SOX6: variants seen among roughly 807,000 people sequenced by gnomAD.
SOX6 encodes SRY-box transcription factor 6, also known as transcription factor SOX-6.
Under a neutral mutation model 97.8 loss-of-function variants are expected in SOX6, and 11 were observed. The ratio of observed to expected loss-of-function variants is 0.11; its 90% CI spans 0.07 to 0.19. SOX6 has a LOEUF of 0.19. Ranked by LOEUF, SOX6 falls within the 10% of genes least tolerant of loss-of-function variation. The pLI is 1.00. For missense variants in SOX6, 810 were observed against 1,039.5 expected (o/e 0.78, Z 3.04); for synonymous variants, 360 against 371.4 (o/e 0.97, Z 0.35).
chr11:16,464,409 C>G (rs1859988739), intron 1 of SOX6, among the ~76,000 whole-genome samples: 1 of 150,696 alleles, frequency 6.6e-6, no homozygotes, highest in African/African-American at 2.4e-5. Context: ...TCACACAACT[C>G]AGCACATAGC....
intron 13 of SOX6, among the ~76,000 whole-genome samples, chr11:16,000,836 T>G (rs969102940): frequency 1.3e-5 from 2 of 151,980 alleles, no homozygotes; most frequent in African/African-American, 4.8e-5. Context: ...GGAAACAAAC[T>G]TTTTATTTTT....
chr11:16,234,455 C>G, intron 4 of SOX6, 127 bp downstream of exon 4: 1 of 587,040 alleles, frequency 1.7e-6, no homozygotes, highest in Non-Finnish European at 3.0e-6. Flanking sequence ...AATATTCACC[C>G]TCTCATGTAC....
chr11:16,728,512 C>T (rs1460895266), intron 2 of SOX6, among the ~76,000 whole-genome samples: 2 of 152,184 alleles, frequency 1.3e-5, no homozygotes, highest in African/African-American at 4.8e-5. Flanking sequence ...GGAAAACTAA[C>T]AAACAGAAAG....
At chr11:16,108,570 GT>G (rs1849154928) in intron 7 of SOX6, among the ~76,000 whole-genome samples, 1 of 152,106 alleles carries the variant, frequency 6.6e-6, no homozygotes, top group South Asian at 2.1e-4. Flanking sequence ...AAAGTCTGTG[GT>G]TTATGTTCTG....
chr11:16,734,634 T>C (rs1471350957), intron 2 of SOX6, among the ~76,000 whole-genome samples: 4 of 152,202 alleles, frequency 2.6e-5, no homozygotes, highest in South Asian at 4.1e-4. Flanking sequence ...TTGAAGCCCA[T>C]ATTTTTAACA....
intron 6 of SOX6, among the ~76,000 whole-genome samples, chr11:16,139,983 T>C (rs1850087378): frequency 6.8e-6 from 1 of 147,392 alleles, no homozygotes; most frequent in South Asian, 2.1e-4. Flanking sequence ...ACATATAATA[T>C]GACATACGGG....
intron 6 of SOX6, among the ~76,000 whole-genome samples, chr11:16,172,359 A>G (rs1461317009): frequency 6.6e-6 from 1 of 152,112 alleles, no homozygotes; most frequent in East Asian, 1.9e-4. Context: ...CCGTAATGTC[A>G]GGAGTTTGTC....
At chr11:16,615,095 G>A (rs1226909927) in intron 3 of SOX6, among the ~76,000 whole-genome samples, 5 of 152,096 alleles carry the variant, frequency 3.3e-5, no homozygotes, top group African/African-American at 1.2e-4. Flanking sequence ...AATTAACATT[G>A]GATAGCTCTT....
intron 4 of SOX6, among the ~76,000 whole-genome samples, chr11:16,224,059 T>C (rs1314007774): frequency 6.6e-6 from 1 of 152,210 alleles, no homozygotes; most frequent in East Asian, 1.9e-4. Context: ...TAGCTATTCC[T>C]AAAATTAGCC....
At chr11:16,143,824 C>G (rs1327406417) in intron 6 of SOX6, among the ~76,000 whole-genome samples, 1 of 152,118 alleles carries the variant, frequency 6.6e-6, no homozygotes, top group East Asian at 1.9e-4. Flanking sequence ...CATATGCACC[C>G]AATACAGGAG....
intron 12 of SOX6, among the ~76,000 whole-genome samples, chr11:16,023,039 G>A (rs985872522): frequency 4.0e-5 from 6 of 151,894 alleles, no homozygotes; most frequent in Non-Finnish European, 7.4e-5. Context: ...TTCTAATTAT[G>A]ATGTCTTCCC....
intron 4 of SOX6, among the ~76,000 whole-genome samples, chr11:16,485,740 A>C (rs1230090392): frequency 6.6e-6 from 1 of 150,406 alleles, no homozygotes; most frequent in African/African-American, 2.4e-5. Context: ...CAAAAAAAAA[A>C]AAAATTAGCC....
intron 1 of SOX6, among the ~76,000 whole-genome samples, chr11:16,452,145 C>T (rs1399044534): frequency 6.6e-6 from 1 of 152,032 alleles, no homozygotes; most frequent in Non-Finnish European, 1.5e-5. Flanking sequence ...CTGCATGGAA[C>T]TAAATTTATC....
intron 1 of SOX6, among the ~76,000 whole-genome samples, chr11:16,355,638 C>T (rs1197278123): frequency 6.6e-6 from 1 of 151,928 alleles, no homozygotes; most frequent in Non-Finnish European, 1.5e-5. Context: ...TAAATATTTT[C>T]ATTAGTAAAA....
chr11:16,035,315 T>C (rs1349393323), intron 12 of SOX6, among the ~76,000 whole-genome samples: 1 of 152,190 alleles, frequency 6.6e-6, no homozygotes. Flanking sequence ...ACTGTGTGAA[T>C]GTAGGAAAAT....
intron 1 of SOX6, among the ~76,000 whole-genome samples, chr11:16,445,300 A>G (rs752650369): frequency 1.2e-4 from 18 of 152,204 alleles, no homozygotes; most frequent in Non-Finnish European, 2.1e-4. Flanking sequence ...TTATTTCCCA[A>G]CAAATAACAA....
At chr11:16,494,710 T>C (rs1440924928) in intron 4 of SOX6, among the ~76,000 whole-genome samples, 1 of 152,152 alleles carries the variant, frequency 6.6e-6, no homozygotes, top group African/African-American at 2.4e-5. Flanking sequence ...CCAAGCAGCC[T>C]GCCTGGCAAT....
At chr11:16,438,807 T>C (rs1052632979) in intron 1 of SOX6, among the ~76,000 whole-genome samples, 35 of 149,934 alleles carry the variant, frequency 2.3e-4, no homozygotes, top group African/African-American at 7.6e-4. Flanking sequence ...TTGAGCAACC[T>C]TTATAGTCCC....
At chr11:16,069,908 G>A (rs563969607) in intron 9 of SOX6, among the ~76,000 whole-genome samples, 14 of 152,308 alleles carry the variant, frequency 9.2e-5, no homozygotes, top group Admixed American at 9.2e-4. Flanking sequence ...TGTAATCCCA[G>A]CACTTTGGGA....
Sources: gnomAD v4.1 joint callset for allele counts (sites outside exome capture counted in the v4.1 genomes callset) on GRCh38, gnomAD v4.1.1 for gene constraint, MANE v1.5 for transcripts, NCBI Gene and HGNC (gene_info 2026-07-23, HGNC 2026-07-21) for gene names.